MYMX: variants seen among roughly 807,000 people sequenced by gnomAD.
MYMX encodes the protein myomixer, myoblast fusion factor.
At chr6:44,212,049 T>C (rs897097304), upstream of MYMX, among the ~76,000 whole-genome samples, 2 of 152,102 alleles carry the variant, frequency 1.3e-5, no homozygotes, top group East Asian at 3.8e-4. Context: ...TAGCTGAGAC[T>C]ATAGGCATGT....
the MYMX span, among the ~76,000 whole-genome samples, chr6:44,200,378 GATCTGGGCTCACTGC>G: frequency 6.6e-6 from 1 of 151,862 alleles, no homozygotes; most frequent in African/African-American, 2.4e-5. Context: ...GCAGTGGCAC[GATCTGGGCTCACTGC>G]AACTTCTACC....
upstream of MYMX, among the ~76,000 whole-genome samples, chr6:44,216,774 G>A (rs537273611): frequency 5.8e-4 from 89 of 152,282 alleles, no homozygotes; most frequent in South Asian, 3.5e-3. Flanking sequence ...GGAAGTGGGG[G>A]CCAGCCCAGC....
Position 44,217,786 on chromosome 6 carries a change from C to A in MYMX, c.*60C>A, listed in dbSNP as rs7753792. 106,482 of 400,356 alleles carry A rather than the reference C, an allele frequency of 0.27. 15,660 individuals are homozygous for A. The highest frequency in any genetic ancestry group is 0.42 in the Middle Eastern group (1,358 of 3,210). 24.8% of individuals were successfully genotyped at this position (400,356 alleles called of 1,614,324 possible). On this transcript the variant is annotated 3_prime_UTR_variant, in exon 2 of 2. Coordinates refer to ENST00000573382, the MANE Select transcript of MYMX (RefSeq NM_001315494.2). ...ATGCTTTCTTTTGGAGTAGGATAAT[C>A]CTGGCACCAGCACTGACCGAAGCCT...
chr6:44,212,933 T>C (rs1352351563), upstream of MYMX, among the ~76,000 whole-genome samples: 1 of 143,952 alleles, frequency 6.9e-6, no homozygotes. Context: ...GAGACTGAGG[T>C]GGGAGGATGG....
chr6:44,195,392 G>A, the MYMX span, among the ~76,000 whole-genome samples: 148 of 152,164 alleles, frequency 9.7e-4, 1 homozygote, highest in African/African-American at 3.4e-3. Context: ...GTGGAACATC[G>A]CCATCTCTGC....
At chr6:44,199,100 A>G in the MYMX span, among the ~76,000 whole-genome samples, 2 of 152,042 alleles carry the variant, frequency 1.3e-5, no homozygotes, top group South Asian at 4.2e-4. Context: ...CACTGTGTCT[A>G]TTCTTGCATT....
At chr6:44,202,580 G>A in the MYMX span, among the ~76,000 whole-genome samples, 1 of 152,150 alleles carries the variant, frequency 6.6e-6, no homozygotes, top group Admixed American at 6.6e-5. Flanking sequence ...ACTGCTCCCT[G>A]GCGGCTTTGT....
chr6:44,211,478 G>A, the MYMX span, among the ~76,000 whole-genome samples: 1 of 152,170 alleles, frequency 6.6e-6, no homozygotes, highest in South Asian at 2.1e-4. Flanking sequence ...TGGGGAAAGG[G>A]AAGGCATTGC....
the MYMX span, among the ~76,000 whole-genome samples, chr6:44,202,976 A>C: frequency 3.2e-3 from 486 of 152,354 alleles, 3 homozygotes; most frequent in African/African-American, 0.011. Flanking sequence ...CCAGGGTCCA[A>C]GGATCTCACC....
chr6:44,211,524 T>C, the MYMX span, among the ~76,000 whole-genome samples: 1 of 151,958 alleles, frequency 6.6e-6, no homozygotes, highest in Non-Finnish European at 1.5e-5. Context: ...ATAGGAGAAA[T>C]AATTCTGGTG....
At chr6:44,207,297 C>T in the MYMX span, among the ~76,000 whole-genome samples, 1 of 151,970 alleles carries the variant, frequency 6.6e-6, no homozygotes, top group Non-Finnish European at 1.5e-5. Context: ...CACCACCACG[C>T]CTGGCTAATT....
the MYMX span, among the ~76,000 whole-genome samples, chr6:44,205,979 CAA>C: frequency 1.3e-3 from 59 of 46,726 alleles, no homozygotes; most frequent in South Asian, 7.8e-4. Flanking sequence ...GACCCTTTCT[CAA>C]AAAAAAAAAA....
chr6:44,208,748 G>A, the MYMX span, among the ~76,000 whole-genome samples: 5,851 of 152,270 alleles, frequency 0.038, 379 homozygotes, highest in African/African-American at 0.13. Flanking sequence ...TCACTTTGCT[G>A]TTCCTTAAGG....
upstream of MYMX, among the ~76,000 whole-genome samples, chr6:44,216,507 C>A (rs1191729747): frequency 6.6e-6 from 1 of 151,912 alleles, no homozygotes; most frequent in Non-Finnish European, 1.5e-5. Context: ...AAAAAATTAG[C>A]CTGGCATGAT....
In MYMX at chr6:44,217,561, G is replaced by A; in HGVS notation, c.90G>A (p.Leu30=). The A allele has an allele frequency of 2.5e-6, 1 of 404,148 alleles. No individual in the cohort carries two copies. The highest frequency in any genetic ancestry group is 4.4e-6 in the Non-Finnish European group (1 of 228,810). 25.0% of individuals were successfully genotyped at this position (404,148 alleles called of 1,614,324 possible). A position where few individuals can be genotyped will look rare whatever the true frequency, so the allele number is the denominator to read the frequency against. ...PAARLARQYL[L]PLLRRLARRL... is the part of the protein sequence containing the mutation. The stretch of plus-strand genomic sequence containing the variant: ...CCCGCCTGGCCCGCCAATACCTCCT[G>A]CCCCTGCTGCGCCGATTGGCCCGCC... Residue 30 remains leucine, a synonymous_variant, in exon 2 of 2, where the codon CTG becomes CTA. Coordinates refer to ENST00000573382, the MANE Select transcript of MYMX (RefSeq NM_001315494.2).
At chr6:44,208,039 G>A in the MYMX span, among the ~76,000 whole-genome samples, 1 of 152,030 alleles carries the variant, frequency 6.6e-6, no homozygotes, top group African/African-American at 2.4e-5. Context: ...ACCAGCCTGG[G>A]CAACATGGCA....
At chr6:44,211,381 T>G in the MYMX span, among the ~76,000 whole-genome samples, 6 of 152,252 alleles carry the variant, frequency 3.9e-5, no homozygotes, top group East Asian at 5.8e-4. Flanking sequence ...TAAGAATTTT[T>G]GGGGGGTAAA....
the MYMX span, among the ~76,000 whole-genome samples, chr6:44,208,204 ACCACTGCATGCCAGCTTGGGC>A: frequency 6.6e-6 from 1 of 150,948 alleles, no homozygotes; most frequent in Non-Finnish European, 1.5e-5. Flanking sequence ...CTTTGATCAC[ACCACTGCATGCCAGCTTGGGC>A]AACAGAGTGA....
intron 1 of MYMX, 105 bp from the exon 2 acceptor site, chr6:44,217,345 G>A (rs963904920): frequency 2.0e-5 from 8 of 397,554 alleles, no homozygotes; most frequent in African/African-American, 1.4e-4. Flanking sequence ...GTCAGGAGCA[G>A]GAAGGTGTAA....
Sources: allele counts gnomAD v4.1 joint callset (sites outside exome capture counted in the v4.1 genomes callset), GRCh38; gene constraint gnomAD v4.1.1; transcripts MANE v1.5; gene names NCBI Gene and HGNC (gene_info 2026-07-23, HGNC 2026-07-21).